ENOX1: variants seen among roughly 807,000 people sequenced by gnomAD.
ENOX1 encodes candidate growth-related and time keeping constitutive hydroquinone (NADH) oxidase.
In ENOX1, 42 loss-of-function variants were observed where a neutral mutation model predicts 82.5. The ratio of observed to expected loss-of-function variants is 0.51; its 90% CI spans 0.40 to 0.66. The LOEUF (loss-of-function observed/expected upper bound fraction) is 0.66, where lower values mean the gene tolerates loss of function less well. ENOX1 is among the 30% of genes least tolerant of loss of function. The pLI, the probability that ENOX1 is intolerant of heterozygous loss-of-function variation, is 0.00. For synonymous variants in ENOX1, 271 were observed against 282.2 expected, an observed-to-expected ratio of 0.96 and a Z score of 0.40; for missense variants, 608 against 811.6, an observed-to-expected ratio of 0.75 and a Z score of 3.05.
At chr13:43,439,208 A>G (rs1379544739) in intron 3 of ENOX1, among the ~76,000 whole-genome samples, 1 of 149,378 alleles carries the variant, frequency 6.7e-6, no homozygotes, top group East Asian at 2.0e-4. Context: ...CGTGGGTCAC[A>G]CCTGGCTAAT....
intron 2 of ENOX1, among the ~76,000 whole-genome samples, chr13:43,538,035 T>A (rs1028083006): frequency 3.9e-5 from 6 of 152,210 alleles, no homozygotes; most frequent in Non-Finnish European, 8.8e-5. Context: ...CCTCTCCAGA[T>A]CTATGACTGT....
intron 1 of ENOX1, among the ~76,000 whole-genome samples, chr13:43,671,910 G>T (rs1269733922): frequency 6.6e-6 from 1 of 152,138 alleles, no homozygotes; most frequent in Non-Finnish European, 1.5e-5. Context: ...GTTGTAACTT[G>T]CTCTAAATGT....
Position 43,213,936 on chromosome 13 carries a change from C to T in ENOX1, c.*54G>A, listed in dbSNP as rs780191591. 1.1e-5 allele frequency: 17 copies of T among 1,574,764 alleles called. No homozygotes were observed. Among genetic ancestry groups the T allele is most frequent in the East Asian group, 4.6e-5 (2 of 43,788 alleles). On this transcript the variant is annotated 3_prime_UTR_variant, in exon 17 of 17. Coordinates refer to ENST00000690772, the MANE Select transcript of ENOX1 (RefSeq NM_001347969.2). ...CACACCTCCTGCTTCCCCGTCGCACCGCCCTGGCCAGGTTCACATGGTTTC... is the reference window on the plus strand; with the variant it reads ...CACACCTCCTGCTTCCCCGTCGCACTGCCCTGGCCAGGTTCACATGGTTTC...
intron 2 of ENOX1, among the ~76,000 whole-genome samples, chr13:43,491,647 G>C (rs1167001366): frequency 6.6e-6 from 1 of 152,028 alleles, no homozygotes; most frequent in East Asian, 1.9e-4. Flanking sequence ...TGTGCCTGTA[G>C]TCCCAGCTAC....
intron 1 of ENOX1, among the ~76,000 whole-genome samples, chr13:43,749,657 G>A (rs1401908140): frequency 6.6e-6 from 1 of 152,198 alleles, no homozygotes. Flanking sequence ...ACTGATCTCT[G>A]AGAATATGAC....
At chr13:43,764,560 G>A (rs909118668) in intron 1 of ENOX1, among the ~76,000 whole-genome samples, 24 of 152,050 alleles carry the variant, frequency 1.6e-4, no homozygotes, top group African/African-American at 7.2e-5. Context: ...AAAGGGGATT[G>A]TGTAAATCTA....
At chr13:43,448,620 T>TC (rs995513266) in intron 3 of ENOX1, among the ~76,000 whole-genome samples, 7 of 152,198 alleles carry the variant, frequency 4.6e-5, no homozygotes, top group Non-Finnish European at 8.8e-5. Context: ...TTCTTTTTTT[T>TC]CTCCCCCTTT....
intron 2 of ENOX1, among the ~76,000 whole-genome samples, chr13:43,635,777 A>C (rs578142286): frequency 1.8e-4 from 27 of 152,270 alleles, no homozygotes; most frequent in African/African-American, 5.8e-4. Context: ...AGAGAGAGAG[A>C]GCGAGCGAGC....
At chr13:43,492,887 C>G (rs191884386) in intron 2 of ENOX1, among the ~76,000 whole-genome samples, 3 of 152,330 alleles carry the variant, frequency 2.0e-5, no homozygotes, top group Admixed American at 1.3e-4. Context: ...TTAAAATTAA[C>G]ATTTAATTAG....
chr13:43,466,778 C>A (rs558168194), intron 3 of ENOX1, among the ~76,000 whole-genome samples: 6 of 152,210 alleles, frequency 3.9e-5, no homozygotes, highest in Admixed American at 2.0e-4. Context: ...AAGTCTTGTA[C>A]CCATTAACAG....
At position 43,425,430 on chromosome 13, in the gene ENOX1, C is replaced by T. The variant is rs936493369; in HGVS notation, c.-74-12442G>A. 2.6e-4 allele frequency among the ~76,000 whole-genome samples: 40 copies of T among 152,338 alleles called. 1 individual carries two copies. The highest frequency in any genetic ancestry group is 2.6e-3 in the Admixed American group (40 of 15,300). Reference sequence around the variant, plus strand: ...CAGATTTGCATTAAAATGTCCTCCACCCCTACCGTCCCCCATTAACACATT... The same window carrying T: ...CAGATTTGCATTAAAATGTCCTCCATCCCTACCGTCCCCCATTAACACATT... On this transcript the variant is annotated intron_variant, in intron 3 of 16. Transcript: ENST00000690772.
At chr13:43,706,362 A>T (rs2087286102) in intron 1 of ENOX1, among the ~76,000 whole-genome samples, 1 of 152,020 alleles carries the variant, frequency 6.6e-6, no homozygotes. Flanking sequence ...TCTTGGAAAA[A>T]AAAAGAAAGA....
chr13:43,762,499 A>T (rs1228762048), intron 1 of ENOX1, among the ~76,000 whole-genome samples: 1 of 152,214 alleles, frequency 6.6e-6, no homozygotes, highest in Admixed American at 6.5e-5. Context: ...TTGTCCCTCT[A>T]TGTCTTTTAA....
intron 1 of ENOX1, among the ~76,000 whole-genome samples, chr13:43,765,391 GTC>G (rs1182451483): frequency 6.6e-6 from 1 of 152,016 alleles, no homozygotes; most frequent in East Asian, 1.9e-4. Context: ...GTTCTTCTGT[GTC>G]TCTGCTTTGA....
chr13:43,442,513 C>T (rs1357855589), intron 3 of ENOX1, among the ~76,000 whole-genome samples: 1 of 152,216 alleles, frequency 6.6e-6, no homozygotes, highest in East Asian at 1.9e-4. Flanking sequence ...GTCACTCACT[C>T]TAAATACCAA....
At chr13:43,650,372 T>A (rs1248174169) in intron 2 of ENOX1, among the ~76,000 whole-genome samples, 32 of 152,154 alleles carry the variant, frequency 2.1e-4, no homozygotes, top group Admixed American at 2.1e-3. Flanking sequence ...ACAGGCTGGA[T>A]TTTCCTCAAG....
At chr13:43,607,068 T>C (rs1326589966) in intron 2 of ENOX1, among the ~76,000 whole-genome samples, 3 of 152,128 alleles carry the variant, frequency 2.0e-5, no homozygotes, top group Non-Finnish European at 4.4e-5. Flanking sequence ...TCAACAATAA[T>C]TTATTATACA....
At chr13:43,550,214 T>C (rs1171556195) in intron 2 of ENOX1, among the ~76,000 whole-genome samples, 2 of 152,208 alleles carry the variant, frequency 1.3e-5, no homozygotes. Context: ...CAAACTGGTA[T>C]TGGTTTATGA....
chr13:43,667,362 G>A, intron 2 of ENOX1, 117 bp downstream of exon 2: 1 of 697,698 alleles, frequency 1.4e-6, no homozygotes, highest in Non-Finnish European at 1.8e-6. Flanking sequence ...CTGAACCCCA[G>A]ATATAACTAA....
Sources: allele counts gnomAD v4.1 joint callset (sites outside exome capture counted in the v4.1 genomes callset), GRCh38; gene constraint gnomAD v4.1.1; transcripts MANE v1.5; gene names NCBI Gene and HGNC (gene_info 2026-07-23, HGNC 2026-07-21).